EXOC2: variants seen among roughly 807,000 people sequenced by gnomAD.
EXOC2 encodes SEC5-like 1.
A neutral mutation model predicts 131.8 loss-of-function variants in EXOC2; 70 were observed. That is an observed-to-expected ratio of 0.53 (90% CI 0.44 to 0.65). EXOC2 has a LOEUF of 0.65. Among genes scored for constraint, EXOC2 ranks in the 30% least tolerant of loss-of-function variants. The pLI is 0.00. For synonymous variants in EXOC2, 411 were observed against 398.4 expected, an observed-to-expected ratio of 1.03 and a Z score of -0.38; for missense variants, 923 against 1,108.6, an observed-to-expected ratio of 0.83 and a Z score of 2.38.
At chr6:553,953 A>G in intron 20 of EXOC2, 33 bp from the exon 21 acceptor site, 3 of 1,554,552 alleles carry the variant, frequency 1.9e-6, no homozygotes, top group Non-Finnish European at 1.8e-6. Context: ...ACAGTTACAA[A>G]TAAAGCACTC....
chr6:673,106 A>G (rs968206964), intron 1 of EXOC2, among the ~76,000 whole-genome samples: 4 of 151,780 alleles, frequency 2.6e-5, no homozygotes, highest in Non-Finnish European at 4.4e-5. Context: ...CTAAAAATAC[A>G]AAAAAATTAG....
At chr6:564,397 G>T in intron 15 of EXOC2, 148 bp downstream of exon 15, 1 of 1,207,308 alleles carries the variant, frequency 8.3e-7, no homozygotes, top group Non-Finnish European at 1.2e-6. Flanking sequence ...GAGGAGCTTA[G>T]CTGTCAGATG....
At position 657,205 on chromosome 6, in the gene EXOC2, G is replaced by A. The variant is rs756049835; in HGVS notation, c.-43-19344C>T. On this transcript the variant is annotated intron_variant, in intron 1 of 27. Coordinates refer to ENST00000230449, the MANE Select transcript of EXOC2 (RefSeq NM_018303.6). ...CACAAAATGCTTCCGTTTCCACTCC[G>A]GTTATAAGAAGAGTAGGCATTCCAC... 4 of 361,610 alleles carry A rather than the reference G, an allele frequency of 1.1e-5. No individual in the cohort carries two copies. The East Asian group carries it at 1.7e-4, about 15-fold the overall frequency. 22.4% of individuals were successfully genotyped at this position (361,610 alleles called of 1,614,324 possible). A position where few individuals can be genotyped will look rare whatever the true frequency, so the allele number is the denominator to read the frequency against.
At chr6:577,017 A>G (rs1758623269) in intron 11 of EXOC2, 135 bp from the exon 12 acceptor site, 1 of 735,242 alleles carries the variant, frequency 1.4e-6, no homozygotes. Context: ...TTTATTAAAT[A>G]AAATAAAAAG....
chr6:526,880 C>G (rs936824009), intron 23 of EXOC2, among the ~76,000 whole-genome samples: 2 of 152,176 alleles, frequency 1.3e-5, no homozygotes, highest in African/African-American at 4.8e-5. Context: ...CACTTAACTT[C>G]TTTGTGCTCA....
intron 22 of EXOC2, among the ~76,000 whole-genome samples, chr6:534,126 T>C (rs949208897): frequency 6.6e-6 from 1 of 152,206 alleles, no homozygotes; most frequent in Non-Finnish European, 1.5e-5. Context: ...GTGCAAGAAC[T>C]ACTTCAAAAC....
At chr6:660,517 T>C (rs1003802948) in intron 1 of EXOC2, among the ~76,000 whole-genome samples, 10 of 152,116 alleles carry the variant, frequency 6.6e-5, no homozygotes, top group African/African-American at 2.4e-4. Flanking sequence ...CAGAGCTGGG[T>C]AGACTCGCTG....
At chr6:513,317 C>T (rs1764961721) in intron 23 of EXOC2, among the ~76,000 whole-genome samples, 2 of 152,254 alleles carry the variant, frequency 1.3e-5, no homozygotes, top group African/African-American at 4.8e-5. Flanking sequence ...AGCAGCACAG[C>T]CCCAGTGAGG....
rs374719850 is a variant in EXOC2, at chr6:545,526, AAC to A, written c.2238+3647_2238+3648del. 4.6e-5 allele frequency among the ~76,000 whole-genome samples: 7 copies of A among 152,346 alleles called. 1 individual carries two copies. The highest frequency in any genetic ancestry group is 1.4e-4 in the African/African-American group (6 of 41,582). On this transcript the variant is annotated intron_variant, in intron 22 of 27. Transcript: ENST00000230449. ...TCAAAATTAGTTCTTCTAGAATATA[AAC>A]AGTCAATAACAGAAGAAAAAGCGCT...
chr6:614,809 C>T (rs907433729), intron 6 of EXOC2, among the ~76,000 whole-genome samples: 2 of 152,024 alleles, frequency 1.3e-5, no homozygotes, highest in Non-Finnish European at 2.9e-5. Flanking sequence ...AAACCACATC[C>T]GTCCGTCCTT....
chr6:605,036 C>A (rs1381070705), intron 7 of EXOC2, among the ~76,000 whole-genome samples: 1 of 152,108 alleles, frequency 6.6e-6, no homozygotes, highest in Non-Finnish European at 1.5e-5. Flanking sequence ...GTTATAATCT[C>A]TAGAAGTAAA....
intron 13 of EXOC2, among the ~76,000 whole-genome samples, chr6:568,510 C>T (rs1043247254): frequency 2.0e-5 from 3 of 152,164 alleles, no homozygotes; most frequent in Admixed American, 6.5e-5. Context: ...CATGTGCCAA[C>T]CCCTTAGCAT....
chr6:575,824 A>G (rs935974276), intron 12 of EXOC2, among the ~76,000 whole-genome samples: 16 of 152,236 alleles, frequency 1.1e-4, no homozygotes, highest in African/African-American at 3.9e-4. Flanking sequence ...AACATTATAT[A>G]ATGTTAGCTG....
At chr6:617,593 T>C (rs373165409) in intron 6 of EXOC2, 118 bp downstream of exon 6, 3 of 1,324,482 alleles carry the variant, frequency 2.3e-6, no homozygotes, top group Non-Finnish European at 3.0e-6. Context: ...TTATAGCACA[T>C]TTGAGATCTC....
At chr6:599,943 CA>C (rs1402734130) in intron 7 of EXOC2, among the ~76,000 whole-genome samples, 1 of 151,396 alleles carries the variant, frequency 6.6e-6, no homozygotes, top group East Asian at 1.9e-4. Flanking sequence ...TTGCTGTGTA[CA>C]AAAACAGTTT....
intron 1 of EXOC2, among the ~76,000 whole-genome samples, chr6:665,946 A>G (rs1581657374): frequency 7.1e-6 from 1 of 140,488 alleles, no homozygotes; most frequent in Admixed American, 7.0e-5. Context: ...AATAAAAATA[A>G]GAGTCAAAAA....
chr6:619,882 T>A (rs1761199271), intron 4 of EXOC2, among the ~76,000 whole-genome samples: 1 of 152,150 alleles, frequency 6.6e-6, no homozygotes, highest in Non-Finnish European at 1.5e-5. Context: ...ATGACATCAA[T>A]CCCCATTCAA....
chr6:594,792 A>G (rs1383526155), intron 10 of EXOC2, among the ~76,000 whole-genome samples: 2 of 152,228 alleles, frequency 1.3e-5, no homozygotes, highest in African/African-American at 4.8e-5. Context: ...AAGCATGACA[A>G]CTTGTGCTGG....
intron 6 of EXOC2, among the ~76,000 whole-genome samples, chr6:614,284 C>CATGT (rs1009436568): frequency 3.9e-5 from 6 of 152,156 alleles, no homozygotes; most frequent in Non-Finnish European, 7.3e-5. Flanking sequence ...CGGCCTTGAC[C>CATGT]ATGTCCATGT....
Sources: gnomAD v4.1 joint callset for allele counts (sites outside exome capture counted in the v4.1 genomes callset) on GRCh38, gnomAD v4.1.1 for gene constraint, MANE v1.5 for transcripts, NCBI Gene and HGNC (gene_info 2026-07-23, HGNC 2026-07-21) for gene names.